The following GPC5 variants were observed in gnomAD, a reference collection of about 807,000 sequenced individuals.
The protein encoded by GPC5 is glypican-5.
In GPC5, 47 loss-of-function variants were observed where a neutral mutation model predicts 53.9. That is an observed-to-expected ratio of 0.87 (90% CI 0.69 to 1.11). GPC5 has a LOEUF of 1.11. Ranked by LOEUF, GPC5 falls within the 50% of genes most tolerant of loss-of-function variation. The pLI is 0.00. For synonymous variants in GPC5, 286 were observed against 263.3 expected, an observed-to-expected ratio of 1.09 and a Z score of -0.84; for missense variants, 748 against 713.1, an observed-to-expected ratio of 1.05 and a Z score of -0.56.
At chr13:92,616,957 T>G in intron 7 of GPC5, among the ~76,000 whole-genome samples, 1 of 152,126 alleles carries the variant, frequency 6.6e-6, no homozygotes, top group East Asian at 1.9e-4. Flanking sequence ...ATATTGAATA[T>G]AATACATACA....
intron 7 of GPC5, among the ~76,000 whole-genome samples, chr13:92,717,045 G>A (rs1408658713): frequency 6.6e-6 from 1 of 151,562 alleles, no homozygotes; most frequent in Non-Finnish European, 1.5e-5. Flanking sequence ...GTCAAGCCCT[G>A]TTCGAATTCA....
intron 7 of GPC5, among the ~76,000 whole-genome samples, chr13:92,515,814 AG>A (rs1288429203): frequency 2.6e-5 from 4 of 152,178 alleles, no homozygotes. Context: ...CCTCAAACCC[AG>A]AAGACTAAAT....
At chr13:91,679,142 T>C (rs943093526) in intron 2 of GPC5, among the ~76,000 whole-genome samples, 1 of 152,028 alleles carries the variant, frequency 6.6e-6, no homozygotes, top group Non-Finnish European at 1.5e-5. Context: ...TATCTGGCAA[T>C]GAGAAATAAT....
intron 5 of GPC5, among the ~76,000 whole-genome samples, chr13:91,871,731 A>G (rs2039147181): frequency 6.6e-6 from 1 of 151,662 alleles, no homozygotes; most frequent in African/African-American, 2.4e-5. Flanking sequence ...TAGATTTTTC[A>G]TCTCTGGAAT....
At chr13:91,496,630 A>G (rs560985900) in intron 2 of GPC5, among the ~76,000 whole-genome samples, 44 of 152,272 alleles carry the variant, frequency 2.9e-4, no homozygotes, top group Admixed American at 2.7e-3. Flanking sequence ...AGAGGCTGGG[A>G]ATGGTAGTGG....
At chr13:91,589,373 T>C (rs1455270703) in intron 2 of GPC5, among the ~76,000 whole-genome samples, 1 of 152,070 alleles carries the variant, frequency 6.6e-6, no homozygotes, top group Non-Finnish European at 1.5e-5. Flanking sequence ...CACCTGTTTC[T>C]AGATCATCTA....
At chr13:91,853,627 T>C (rs8000830) in intron 5 of GPC5, among the ~76,000 whole-genome samples, 29,225 of 151,852 alleles carry the variant, frequency 0.19, 3,088 homozygotes, top group East Asian at 0.31. Context: ...TTCTTCACAC[T>C]TCTGAATGAT....
chr13:92,215,640 T>C (rs1020631816), intron 7 of GPC5, among the ~76,000 whole-genome samples: 3 of 152,192 alleles, frequency 2.0e-5, no homozygotes, highest in African/African-American at 7.2e-5. Context: ...ATGAAGGCTT[T>C]ACTGAGGGCT....
chr13:92,476,028 A>C (rs964728275), intron 7 of GPC5, among the ~76,000 whole-genome samples: 289 of 152,152 alleles, frequency 1.9e-3, no homozygotes, highest in Non-Finnish European at 3.4e-3. Context: ...GCAACAAAAG[A>C]CAAAATTGAG....
rs923617287 is a variant in GPC5, at chr13:91,498,386, G to A, written c.325+49464G>A. On this transcript the variant is annotated intron_variant, in intron 2 of 7. Transcript: ENST00000377067. ...TGACCGACTGAGTGAACGAGTAAAG[G>A]AGAAAAAAGCAACCTGTCTTGTGGG... is the stretch of plus-strand genomic sequence containing the variant. Among the ~76,000 whole-genome samples the A allele has an allele frequency of 2.7e-4, 41 of 152,106 alleles. 1 individual carries two copies. The highest frequency in any genetic ancestry group is 7.9e-4 in the Admixed American group (12 of 15,258).
intron 1 of GPC5, among the ~76,000 whole-genome samples, chr13:91,403,580 C>T (rs1877108022): frequency 6.6e-6 from 1 of 152,172 alleles, no homozygotes; most frequent in Admixed American, 6.5e-5. Flanking sequence ...TCCTTTTATA[C>T]CACAGGTCCC....
chr13:92,119,389 A>ATTTTT (rs2041626975), intron 6 of GPC5, among the ~76,000 whole-genome samples: 3 of 86,648 alleles, frequency 3.5e-5, no homozygotes, highest in East Asian at 3.2e-4. Context: ...TTAGGATTTT[A>ATTTTT]GTTTTTTTTT....
chr13:92,636,633 T>C (rs1413506396), intron 7 of GPC5, among the ~76,000 whole-genome samples: 1 of 46,882 alleles, frequency 2.1e-5, no homozygotes, highest in Non-Finnish European at 1.2e-4. Flanking sequence ...TTCCTAACTT[T>C]TATACTTACA....
intron 6 of GPC5, among the ~76,000 whole-genome samples, chr13:92,092,788 T>C (rs1043778843): frequency 1.3e-5 from 2 of 152,164 alleles, no homozygotes; most frequent in Non-Finnish European, 2.9e-5. Context: ...CTCATACAAA[T>C]GTAAAATGAA....
chr13:91,864,360 G>T (rs1566310981), intron 5 of GPC5, among the ~76,000 whole-genome samples: 1 of 152,088 alleles, frequency 6.6e-6, no homozygotes, highest in Non-Finnish European at 1.5e-5. Flanking sequence ...TTTGTTTCAG[G>T]CTTATTTTAA....
At chr13:91,637,840 GCA>G (rs1460425464) in intron 2 of GPC5, among the ~76,000 whole-genome samples, 1 of 152,208 alleles carries the variant, frequency 6.6e-6, no homozygotes, top group African/African-American at 2.4e-5. Context: ...ATGAGAGTGA[GCA>G]CAGCACTGGA....
At chr13:92,450,593 T>C (rs1438985940) in intron 7 of GPC5, among the ~76,000 whole-genome samples, 1 of 152,138 alleles carries the variant, frequency 6.6e-6, no homozygotes, top group Non-Finnish European at 1.5e-5. Flanking sequence ...CAAACACTTA[T>C]GAAGTAAAGA....
At chr13:91,759,814 A>G (rs1396440526) in intron 5 of GPC5, among the ~76,000 whole-genome samples, 1 of 152,084 alleles carries the variant, frequency 6.6e-6, no homozygotes, top group Non-Finnish European at 1.5e-5. Flanking sequence ...ATTGATACAT[A>G]TTTATATCTG....
intron 2 of GPC5, among the ~76,000 whole-genome samples, chr13:91,622,636 G>A (rs181848723): frequency 4.1e-4 from 62 of 152,232 alleles, no homozygotes; most frequent in Admixed American, 3.8e-3. Context: ...CTGATCTGTT[G>A]CACAGCAGTA....
Sources: gnomAD v4.1 joint callset for allele counts (sites outside exome capture counted in the v4.1 genomes callset) on GRCh38, gnomAD v4.1.1 for gene constraint, MANE v1.5 for transcripts, NCBI Gene and HGNC (gene_info 2026-07-23, HGNC 2026-07-21) for gene names.